Variants in ITGA1 observed in about 807,000 individuals in gnomAD.
ITGA1 encodes the protein integrin subunit alpha 1.
ITGA1 carries 85 observed loss-of-function variants against 145.9 expected under a neutral mutation model. That is an observed-to-expected ratio of 0.58 (90% CI 0.49 to 0.70). The LOEUF is 0.70. ITGA1 is among the 30% of genes least tolerant of loss of function. The probability of loss-of-function intolerance (pLI) is 0.00; values close to 1 mark genes in which losing one functional copy is unlikely to be tolerated. For synonymous variants in ITGA1, 520 were observed against 495.3 expected (o/e 1.05, Z -0.66); for missense variants, 1,351 against 1,418.7 (o/e 0.95, Z 0.77).
intron 2 of ITGA1, among the ~76,000 whole-genome samples, chr5:52,855,953 C>T (rs1749506010): frequency 6.6e-6 from 1 of 152,174 alleles, no homozygotes; most frequent in Admixed American, 6.5e-5. Flanking sequence ...ATCCTGGGCT[C>T]CTACACTCTA....
At chr5:52,892,576 A>T (rs1187781912) in intron 8 of ITGA1, among the ~76,000 whole-genome samples, 1 of 152,216 alleles carries the variant, frequency 6.6e-6, no homozygotes, top group Non-Finnish European at 1.5e-5. Flanking sequence ...ATTATTCATA[A>T]TATGTTGAAG....
chr5:52,804,139 G>T lies in ITGA1; in HGVS notation c.61+15725G>T, dbSNP rs566567652. The T allele has an allele frequency of 1.1e-4, 17 of 152,052 alleles. No individual in the cohort carries two copies. In the South Asian group the frequency reaches 1.7e-3, roughly 15 times the overall value. The allele number at this position is 152,052 out of a possible 1,614,324, so 9.4% of individuals were successfully genotyped here. A position where few individuals can be genotyped will look rare whatever the true frequency, so the allele number is the denominator to read the frequency against. On this transcript the variant is annotated intron_variant, in intron 1 of 28. Transcript: ENST00000282588. Reference sequence around the variant, plus strand: ...ATTAAAAATTCAGATAATTATTTTTGACTTTTCTAGAAGACATAATTATCT... The same window carrying T: ...ATTAAAAATTCAGATAATTATTTTTTACTTTTCTAGAAGACATAATTATCT...
chr5:52,939,584 T>C lies in ITGA1; in HGVS notation c.3079-6T>C, dbSNP rs1339302504. The C allele has an allele frequency of 5.1e-6, 8 of 1,581,840 alleles. No individual in the cohort carries two copies. In the East Asian group the frequency reaches 1.6e-4, roughly 31 times the overall value. On this transcript the variant is annotated splice_region_variant and splice_polypyrimidine_tract_variant and intron_variant, in intron 24 of 28. Transcript: ENST00000282588. ...TGTCTGATAAATGTAATATTTTCAT[T>C]TCTAGAATGCAAACTGCAGACCCCA...
At chr5:52,878,609 AC>A (rs1249947911) in intron 6 of ITGA1, among the ~76,000 whole-genome samples, 3 of 152,198 alleles carry the variant, frequency 2.0e-5, no homozygotes, top group Admixed American at 1.3e-4. Flanking sequence ...AAGTGAGATA[AC>A]CCTTTTTCCC....
At position 52,957,207 on chromosome 5, in the gene ITGA1, T is replaced by C. The variant is rs1181692780; in HGVS notation, c.*4756T>C. On this transcript the variant is annotated 3_prime_UTR_variant, in exon 29 of 29. Coordinates refer to ENST00000282588, the MANE Select transcript of ITGA1 (RefSeq NM_181501.2). ...TGGAGTCTCTTAAGCCCCAGCCCTG[T>C]TGTCCCCTACAGCATCTCCACCCAG... The C allele has an allele frequency of 6.6e-6, 1 of 152,154 alleles. No individual in the cohort carries two copies. Among genetic ancestry groups the C allele is most frequent in the Non-Finnish European group, 1.5e-5 (1 of 68,046 alleles). The allele number at this position is 152,154 out of a possible 1,614,324, so 9.4% of individuals were successfully genotyped here. A position where few individuals can be genotyped will look rare whatever the true frequency, so the allele number is the denominator to read the frequency against.
chr5:52,909,459 A>C (rs1410917727), intron 13 of ITGA1, among the ~76,000 whole-genome samples: 1 of 152,112 alleles, frequency 6.6e-6, no homozygotes, highest in Non-Finnish European at 1.5e-5. Flanking sequence ...TCCAGGAAAT[A>C]CTTCACTGGG....
intron 2 of ITGA1, among the ~76,000 whole-genome samples, chr5:52,851,287 G>A (rs1449932385): frequency 6.6e-6 from 1 of 152,104 alleles, no homozygotes; most frequent in African/African-American, 2.4e-5. Flanking sequence ...TTATATGAAT[G>A]AACCTTAGTA....
chr5:52,945,888 A>G lies in ITGA1; in HGVS notation c.3378+853A>G, dbSNP rs1469092201. Among the ~76,000 whole-genome samples, 3 of 152,246 alleles carry G rather than the reference A, an allele frequency of 2.0e-5. No individual in the cohort carries two copies. The East Asian group carries it at 5.8e-4, about 29-fold the overall frequency. On this transcript the variant is annotated intron_variant, in intron 27 of 28. Transcript: ENST00000282588. ...TGCATATAATGTTTACTTATGTCAT[A>G]AAGAGCGCTTAGCATAAGCAATGCA...
chr5:52,927,831 C>T (rs1218236678), intron 20 of ITGA1, among the ~76,000 whole-genome samples, 167 bp downstream of exon 20: 1 of 152,176 alleles, frequency 6.6e-6, no homozygotes, highest in East Asian at 1.9e-4. Context: ...TGTTTGTGCC[C>T]CACCAAAATT....
At chr5:52,866,805 T>A (rs1749694485) in intron 6 of ITGA1, among the ~76,000 whole-genome samples, 1 of 152,198 alleles carries the variant, frequency 6.6e-6, no homozygotes, top group Admixed American at 6.5e-5. Context: ...TTGACTGATT[T>A]AATGTTTATT....
chr5:52,820,201 T>A (rs1018916128), intron 1 of ITGA1, among the ~76,000 whole-genome samples: 1 of 151,846 alleles, frequency 6.6e-6, no homozygotes, highest in Admixed American at 6.6e-5. Flanking sequence ...TCATAAAAAA[T>A]GATGAGTTCA....
At chr5:52,925,854 A>G (rs1360399095) in intron 19 of ITGA1, among the ~76,000 whole-genome samples, 1 of 152,292 alleles carries the variant, frequency 6.6e-6, no homozygotes, top group African/African-American at 2.4e-5. Context: ...AAAAAAATTT[A>G]CCTGCAGGAA....
chr5:52,832,233 C>T (rs780459091), intron 1 of ITGA1, among the ~76,000 whole-genome samples: 91 of 152,154 alleles, frequency 6.0e-4, no homozygotes, highest in Admixed American at 1.0e-3. Context: ...GGCTGCCAAC[C>T]TGAGATTAGA....
intron 24 of ITGA1, among the ~76,000 whole-genome samples, chr5:52,938,516 G>A (rs1203090293): frequency 1.3e-5 from 2 of 151,992 alleles, no homozygotes; most frequent in African/African-American, 2.4e-5. Context: ...CTAAGGGCAA[G>A]GAAAAAATAA....
rs2111879416 is a variant in ITGA1 at position 52,925,453 on chromosome 5, A to G, written c.2579A>G (p.His860Arg). The G allele has an allele frequency of 1.9e-6, 3 of 1,613,854 alleles. No individual in the cohort carries two copies. Among genetic ancestry groups the G allele is most frequent in the Non-Finnish European group, 2.5e-6 (3 of 1,179,814 alleles). ...GCCTATAACACCAGGACAATAGTGC[A>G]TTATTCTCCAAATCTAGTTTTTTCA... is the stretch of plus-strand genomic sequence containing the variant. ...DSAYNTRTIV[H>R]YSPNLVFSGI... The change falls in exon 19 of 29, where the codon CAT becomes CGT. Residue 860 changes from histidine to arginine, a missense_variant. Transcript: ENST00000282588.
intron 23 of ITGA1, among the ~76,000 whole-genome samples, chr5:52,937,057 A>G (rs1301229365): frequency 7.3e-6 from 1 of 136,996 alleles, no homozygotes; most frequent in Non-Finnish European, 1.6e-5. Context: ...TTAAAAAAAA[A>G]AAAAAGAAAG....
In ITGA1 at chr5:52,801,814, G is replaced by A; in HGVS notation, c.61+13400G>A. ...TGTTCCCGAACTTTCTGACCAAGAG[G>A]GTGATTCCAGTTCTGAAGAGGATTA... On this transcript the variant is annotated intron_variant, in intron 1 of 28. Transcript: ENST00000282588. 2 of 1,610,710 alleles carry A rather than the reference G, an allele frequency of 1.2e-6. No individual in the cohort carries two copies. The highest frequency in any genetic ancestry group is 1.7e-6 in the Non-Finnish European group (2 of 1,178,136).
chr5:52,927,529 G>C (rs913753236), intron 19 of ITGA1, 55 bp from the exon 20 acceptor site: 9 of 1,222,840 alleles, frequency 7.4e-6, no homozygotes, highest in East Asian at 2.4e-5. Context: ...GAAAGAACAC[G>C]TATCAATATT....
intron 12 of ITGA1, among the ~76,000 whole-genome samples, chr5:52,906,912 G>A (rs1750417591): frequency 6.6e-6 from 1 of 152,202 alleles, no homozygotes; most frequent in South Asian, 2.1e-4. Context: ...CCCATGCCCT[G>A]CAGGAGCAGT....
Sources: allele counts gnomAD v4.1 joint callset (sites outside exome capture counted in the v4.1 genomes callset), GRCh38; gene constraint gnomAD v4.1.1; transcripts MANE v1.5; gene names NCBI Gene and HGNC (gene_info 2026-07-23, HGNC 2026-07-21).